RILPL1: variants seen among roughly 807,000 people sequenced by gnomAD.
The protein encoded by RILPL1 is Rab interacting lysosomal protein like 1.
RILPL1 carries 33 observed loss-of-function variants against 50.3 expected under a neutral mutation model. That is an observed-to-expected ratio of 0.66 (90% CI 0.50 to 0.88). The LOEUF (loss-of-function observed/expected upper bound fraction) is 0.88, where lower values mean the gene tolerates loss of function less well. Among genes scored for constraint, RILPL1 ranks in the 40% least tolerant of loss-of-function variants. The pLI is 0.00. For synonymous variants in RILPL1, 205 were observed against 228.6 expected, an observed-to-expected ratio of 0.90 and a Z score of 0.93; for missense variants, 418 against 542.5, an observed-to-expected ratio of 0.77 and a Z score of 2.28.
Position 123,533,378 on chromosome 12 carries a change from G to T in RILPL1, c.105C>A (p.Gly35=), listed in dbSNP as rs749053357. ...GGTCAATGACCCGCTCGAACTCGTG[G>T]CCCACAAGCGACGCGATGTCGTACA... ...MDVYDIASLV[G]HEFERVIDQH... Residue 35 remains glycine, a synonymous_variant, in exon 1 of 7, where the codon GGC becomes GGA. Coordinates refer to ENST00000376874, the MANE Select transcript of RILPL1 (RefSeq NM_178314.5). The surrounding 1 kb of genome is among the most constrained non-coding windows in gnomAD (Gnocchi z 6.2). 1.3e-6 allele frequency: 2 copies of T among 1,565,676 alleles called. No individual in the cohort carries two copies. The highest frequency in any genetic ancestry group is 1.7e-6 in the Non-Finnish European group (2 of 1,156,940).
intron 4 of RILPL1, among the ~76,000 whole-genome samples, chr12:123,495,254 G>A (rs1159760264): frequency 6.6e-6 from 1 of 152,164 alleles, no homozygotes; most frequent in Non-Finnish European, 1.5e-5. Context: ...AGCAGGGCCT[G>A]AGAAGGTCGG....
chr12:123,532,493 C>G (rs1885467930), intron 1 of RILPL1, among the ~76,000 whole-genome samples: 1 of 152,176 alleles, frequency 6.6e-6, no homozygotes. Flanking sequence ...GCTCCTCCCA[C>G]TGTGACCCTC....
chr12:123,472,902 T>G (rs1226182677), intron 6 of RILPL1: 1 of 534,396 alleles, frequency 1.9e-6, no homozygotes, highest in Non-Finnish European at 3.4e-6. Flanking sequence ...TCACGCGGTA[T>G]GGGCAAGGCA....
At chr12:123,486,849 A>T (rs1882373965) in intron 4 of RILPL1, among the ~76,000 whole-genome samples, 1 of 151,380 alleles carries the variant, frequency 6.6e-6, no homozygotes, top group Admixed American at 6.6e-5. Flanking sequence ...CCCAGGCTGG[A>T]GTGCAGTGGC....
At position 123,528,321 on chromosome 12, in the gene RILPL1, G is replaced by A. The variant is rs535650141; in HGVS notation, c.310-4676C>T. Among the ~76,000 whole-genome samples the A allele has an allele frequency of 1.0e-4, 15 of 148,962 alleles. 1 individual carries two copies. In the East Asian group the frequency reaches 1.2e-3, roughly 12 times the overall value. ...CTGCAGTGAGCCAATGGTCACGCAC[G>A]GCACGCCAGCCTGGGCAACAGAGTG... On this transcript the variant is annotated intron_variant, in intron 1 of 6. Transcript: ENST00000376874.
In RILPL1 at chr12:123,479,939, G is replaced by A. The variant is rs1353570073; in HGVS notation, c.1067+4241C>T. Among the ~76,000 whole-genome samples the A allele has an allele frequency of 2.0e-5, 3 of 152,158 alleles. No individual in the cohort carries two copies. The East Asian group carries it at 5.8e-4, about 29-fold the overall frequency. Reference sequence around the variant, plus strand: ...GGCAGAAGAACTAGTGGAAAGATTCGTTGGCTAATTCTGATAACTTTCCTC... The same window carrying A: ...GGCAGAAGAACTAGTGGAAAGATTCATTGGCTAATTCTGATAACTTTCCTC... On this transcript the variant is annotated intron_variant, in intron 6 of 6. Coordinates refer to ENST00000376874, the MANE Select transcript of RILPL1 (RefSeq NM_178314.5).
intron 1 of RILPL1, among the ~76,000 whole-genome samples, chr12:123,526,881 A>G (rs146041332): frequency 6.6e-6 from 1 of 152,280 alleles, no homozygotes; most frequent in Non-Finnish European, 1.5e-5. Context: ...TCTGTTTCCA[A>G]TTGGCATAGG....
intron 4 of RILPL1, among the ~76,000 whole-genome samples, chr12:123,493,948 C>CT: frequency 6.6e-6 from 1 of 152,108 alleles, no homozygotes; most frequent in South Asian, 2.1e-4. Flanking sequence ...CCACGCCTGG[C>CT]TTTTTTTGTA....
intron 2 of RILPL1, among the ~76,000 whole-genome samples, chr12:123,517,244 G>A (rs547408576): frequency 4.5e-4 from 69 of 152,244 alleles, no homozygotes; most frequent in African/African-American, 1.5e-3. Flanking sequence ...GCTGAGAGGC[G>A]CTGGAGGGAG....
intron 6 of RILPL1, among the ~76,000 whole-genome samples, chr12:123,479,299 C>A (rs1881803042): frequency 6.6e-6 from 1 of 152,078 alleles, no homozygotes; most frequent in Non-Finnish European, 1.5e-5. Flanking sequence ...GCTGCCGAAG[C>A]CCCTGAACAC....
At chr12:123,507,711 G>T (rs1883837833) in intron 2 of RILPL1, among the ~76,000 whole-genome samples, 2 of 152,116 alleles carry the variant, frequency 1.3e-5, no homozygotes, top group Admixed American at 1.3e-4. Flanking sequence ...GAAGGCCGGG[G>T]TGGGTGGATC....
Position 123,498,207 on chromosome 12 carries a change from T to C in RILPL1, c.801+337A>G, listed in dbSNP as rs578111493. On this transcript the variant is annotated intron_variant, in intron 4 of 6. Transcript: ENST00000376874. The surrounding 1 kb of genome is among the most constrained non-coding windows in gnomAD (Gnocchi z 4.3). ...TTGTTCTCTCTGAGCCTCTCGTTTT[T>C]TCTCTCTCTCTCTCTCTCTTTTTTT... 5.7e-4 allele frequency among the ~76,000 whole-genome samples: 86 copies of C among 151,052 alleles called. No homozygotes were observed. The highest frequency in any genetic ancestry group is 1.6e-3 in the African/African-American group (64 of 41,172).
chr12:123,509,144 CAAACA>C (rs1389462115), intron 2 of RILPL1, among the ~76,000 whole-genome samples: 1 of 52,860 alleles, frequency 1.9e-5, no homozygotes, highest in Non-Finnish European at 3.9e-5. Context: ...CTCAAAACAA[CAAACA>C]AACAAACAAA....
chr12:123,513,260 A>G, intron 2 of RILPL1: 1 of 283,002 alleles, frequency 3.5e-6, no homozygotes, highest in Admixed American at 4.3e-5. Flanking sequence ...ATGTAGACAG[A>G]AGTCAGTGCC....
intron 2 of RILPL1, chr12:123,515,473 CAG>C (rs1254760052): frequency 2.7e-5 from 4 of 150,064 alleles, no homozygotes; most frequent in South Asian, 2.1e-4. Flanking sequence ...TTTTTTGAGA[CAG>C]AGTCTCACTC....
chr12:123,496,145 T>C (rs541283407), intron 4 of RILPL1, among the ~76,000 whole-genome samples: 2 of 151,654 alleles, frequency 1.3e-5, no homozygotes, highest in African/African-American at 2.4e-5. Flanking sequence ...CCCAAAGTAA[T>C]TGGGACTACA....
At position 123,470,139 on chromosome 12, in the gene RILPL1, C is replaced by G. The variant is rs1370257191; in HGVS notation, c.*2399G>C. ...GATTTTTCCTTTCTGTCCCGATTAT[C>G]TAGCCTCTGATGTGCTCAAGAGCTG... On this transcript the variant is annotated 3_prime_UTR_variant, in exon 7 of 7. Coordinates refer to ENST00000376874, the MANE Select transcript of RILPL1 (RefSeq NM_178314.5). 1 of 152,126 alleles carries G rather than the reference C, an allele frequency of 6.6e-6. No individual in the cohort carries two copies. The highest frequency in any genetic ancestry group is 1.5e-5 in the Non-Finnish European group (1 of 68,032). 9.4% of individuals were successfully genotyped at this position (152,126 alleles called of 1,614,324 possible).
Position 123,520,364 on chromosome 12 carries a change from G to C in RILPL1, c.460+3131C>G, listed in dbSNP as rs563213651. ...ACCTTAGGTCAGAACTTCAAGGCCAGCCTGGCCAACATGGTGAAATCCCGT... is the reference window on the plus strand; with the variant it reads ...ACCTTAGGTCAGAACTTCAAGGCCACCCTGGCCAACATGGTGAAATCCCGT... On this transcript the variant is annotated intron_variant, in intron 2 of 6. Coordinates refer to ENST00000376874, the MANE Select transcript of RILPL1 (RefSeq NM_178314.5). Among the ~76,000 whole-genome samples the C allele has an allele frequency of 3.9e-5, 6 of 152,340 alleles. No homozygotes were observed. In the South Asian group the frequency reaches 1.2e-3, roughly 32 times the overall value.
intron 2 of RILPL1, chr12:123,513,467 C>T (rs1434589377): frequency 4.0e-6 from 1 of 247,366 alleles, no homozygotes; most frequent in Non-Finnish European, 8.7e-6. Flanking sequence ...GCCTCATCAC[C>T]TTCCTGGGCG....
Sources: gnomAD v4.1 joint callset for allele counts (sites outside exome capture counted in the v4.1 genomes callset) on GRCh38, gnomAD v4.1.1 for gene constraint, Gnocchi (gnomAD v3.1) non-coding constraint, MANE v1.5 for transcripts, NCBI Gene and HGNC (gene_info 2026-07-23, HGNC 2026-07-21) for gene names.